EPHB2: variants seen among roughly 807,000 people sequenced by gnomAD.
The protein encoded by EPHB2 is ephrin type-B receptor 2.
A neutral mutation model predicts 96.4 loss-of-function variants in EPHB2; 18 were observed. The observed-to-expected ratio is 0.19, with a 90% CI of 0.13 to 0.28. The LOEUF (loss-of-function observed/expected upper bound fraction) is 0.28. Ranked by LOEUF, EPHB2 falls within the 10% of genes least tolerant of loss-of-function variation. The pLI is 1.00. For synonymous variants in EPHB2, 506 were observed against 534.1 expected (o/e 0.95, Z 0.72); for missense variants, 989 against 1,355.4 (o/e 0.73, Z 4.25).
intron 9 of EPHB2, among the ~76,000 whole-genome samples, chr1:22,904,296 A>G (rs1228524196): frequency 2.8e-5 from 3 of 105,382 alleles, no homozygotes; most frequent in Non-Finnish European, 5.8e-5. Context: ...CTGTCTCAAA[A>G]AAAAAAAAAA....
At chr1:22,865,904 G>A (rs189804039) in intron 5 of EPHB2, among the ~76,000 whole-genome samples, 1 of 152,200 alleles carries the variant, frequency 6.6e-6, no homozygotes. Flanking sequence ...AACCTTTTCT[G>A]TGGCCTCACG....
chr1:22,870,911 A>AT (rs1406529982), intron 5 of EPHB2, among the ~76,000 whole-genome samples: 2 of 152,220 alleles, frequency 1.3e-5, no homozygotes, highest in African/African-American at 4.8e-5. Context: ...CTCTCCTTAC[A>AT]GGAGGATTTA....
chr1:22,778,615 T>C (rs1368558904), intron 1 of EPHB2, among the ~76,000 whole-genome samples: 2 of 152,224 alleles, frequency 1.3e-5, no homozygotes, highest in Non-Finnish European at 2.9e-5. Context: ...GCCGGCCCTC[T>C]ACCTCCTCCC....
At chr1:22,800,201 TG>T (rs1247929403) in intron 3 of EPHB2, 2 of 152,336 alleles carry the variant, frequency 1.3e-5, no homozygotes, top group African/African-American at 2.4e-5. Flanking sequence ...CTGGGCCTGC[TG>T]GGAGTTGTTT....
At chr1:22,825,070 C>T (rs1645205181) in intron 3 of EPHB2, among the ~76,000 whole-genome samples, 1 of 152,244 alleles carries the variant, frequency 6.6e-6, no homozygotes, top group South Asian at 2.1e-4. Flanking sequence ...TCTGTGACTG[C>T]ACCTTGATCT....
intron 3 of EPHB2, among the ~76,000 whole-genome samples, chr1:22,797,094 C>T (rs1381839651): frequency 6.6e-6 from 1 of 152,160 alleles, no homozygotes; most frequent in Non-Finnish European, 1.5e-5. Context: ...GAAATCTTAG[C>T]ATGGTGAAGT....
chr1:22,902,855 G>A (rs2124079929), intron 9 of EPHB2, among the ~76,000 whole-genome samples: 1 of 152,332 alleles, frequency 6.6e-6, no homozygotes, highest in African/African-American at 2.4e-5. Flanking sequence ...GTGGGAGCCT[G>A]AGGAGAGGGT....
chr1:22,845,765 A>G (rs1385789087), intron 3 of EPHB2, among the ~76,000 whole-genome samples: 1 of 152,146 alleles, frequency 6.6e-6, no homozygotes, highest in Non-Finnish European at 1.5e-5. Context: ...CCCAGGCCCT[A>G]TAAACACATT....
intron 1 of EPHB2, among the ~76,000 whole-genome samples, chr1:22,732,924 A>C (rs1643749705): frequency 6.6e-6 from 1 of 152,250 alleles, no homozygotes; most frequent in Non-Finnish European, 1.5e-5. Context: ...TGAGACGCAT[A>C]ACACAGATGA....
rs1474315672 is a variant in EPHB2 at position 22,916,097 on chromosome 1, G to A, written c.*2527G>A. On this transcript the variant is annotated 3_prime_UTR_variant, in exon 16 of 16. Coordinates refer to ENST00000374630, the MANE Select transcript of EPHB2 (RefSeq NM_017449.5). This position sits in a 1 kb window ranked among gnomAD's most constrained non-coding sequence, Gnocchi z 4.2. ...CAGGTTTCCCACAAACTGGCCGGCA[G>A]TGGCCCACTGGCCTTCACTTTGTGC... The A allele has an allele frequency of 6.6e-6, 1 of 152,318 alleles. No individual in the cohort carries two copies. The highest frequency in any genetic ancestry group is 1.5e-5 in the Non-Finnish European group (1 of 68,120). The allele number at this position is 152,318 out of a possible 1,614,324, so 9.4% of individuals were successfully genotyped here. A position where few individuals can be genotyped will look rare whatever the true frequency, so the allele number is the denominator to read the frequency against.
At chr1:22,833,191 C>T (rs1480761134) in intron 3 of EPHB2, among the ~76,000 whole-genome samples, 5 of 152,078 alleles carry the variant, frequency 3.3e-5, no homozygotes, top group African/African-American at 4.8e-5. Flanking sequence ...AGTCTCGGCT[C>T]GCTGCAACCT....
intron 5 of EPHB2, among the ~76,000 whole-genome samples, chr1:22,866,011 A>T (rs892546836): frequency 1.3e-5 from 2 of 148,630 alleles, no homozygotes; most frequent in Non-Finnish European, 3.0e-5. Context: ...TCTAGTCCCC[A>T]CTCCACTTGG....
chr1:22,851,707 T>C (rs1645628007), intron 3 of EPHB2, among the ~76,000 whole-genome samples: 1 of 152,174 alleles, frequency 6.6e-6, no homozygotes, highest in Non-Finnish European at 1.5e-5. Flanking sequence ...TCCAGCCTCA[T>C]CTCCTTCCTC....
chr1:22,849,529 CTT>C (rs1478386709), intron 3 of EPHB2, among the ~76,000 whole-genome samples: 3 of 152,224 alleles, frequency 2.0e-5, no homozygotes. Flanking sequence ...TTCTCTCAGA[CTT>C]TGGCAACAAA....
chr1:22,783,322 G>A (rs1644561099), intron 2 of EPHB2, among the ~76,000 whole-genome samples: 1 of 152,208 alleles, frequency 6.6e-6, no homozygotes, highest in African/African-American at 2.4e-5. Context: ...GATAGGAGAG[G>A]GGACTCTGCT....
chr1:22,820,537 C>T (rs969473272), intron 3 of EPHB2, among the ~76,000 whole-genome samples: 1 of 152,012 alleles, frequency 6.6e-6, no homozygotes, highest in African/African-American at 2.4e-5. Context: ...GTGGTGTGTG[C>T]CTATGGTCCC....
chr1:22,772,965 G>A (rs1217488077), intron 1 of EPHB2, among the ~76,000 whole-genome samples: 1 of 152,156 alleles, frequency 6.6e-6, no homozygotes, highest in Admixed American at 6.6e-5. Flanking sequence ...TGGCCTTTTG[G>A]AAGTCCTTGA....
intron 3 of EPHB2, among the ~76,000 whole-genome samples, chr1:22,833,725 G>A (rs1178657862): frequency 6.6e-6 from 1 of 152,098 alleles, no homozygotes; most frequent in Admixed American, 6.5e-5. Context: ...ACATACAAGA[G>A]TATAAAGTCA....
rs1241304160 is a variant in EPHB2 at position 22,811,242 on chromosome 1, G to T, written c.811+26166G>T. Among the ~76,000 whole-genome samples, 4 of 152,170 alleles carry T rather than the reference G, an allele frequency of 2.6e-5. No homozygotes were observed. The East Asian group carries it at 7.7e-4, about 29-fold the overall frequency. ...ATCCTGTGCTTTGGGTACCACTGGC[G>T]TAGGAGATCCCTGAGGGCCAAGTTC... On this transcript the variant is annotated intron_variant, in intron 3 of 15. Transcript: ENST00000374630.
Sources: allele counts gnomAD v4.1 joint callset (sites outside exome capture counted in the v4.1 genomes callset), GRCh38; gene constraint gnomAD v4.1.1; non-coding constraint Gnocchi (gnomAD v3.1); transcripts MANE v1.5; gene names NCBI Gene and HGNC (gene_info 2026-07-23, HGNC 2026-07-21).